Variants in TMEM220 observed in about 807,000 individuals in gnomAD.
TMEM220 encodes transmembrane protein 220.
Under a neutral mutation model 21.7 loss-of-function variants are expected in TMEM220, and 21 were observed. That is an observed-to-expected ratio of 0.97 (90% CI 0.69 to 1.39). TMEM220 has a LOEUF of 1.39. TMEM220 is among the 40% of genes most tolerant of loss of function. The pLI, the probability that TMEM220 is intolerant of heterozygous loss-of-function variation, is 0.00. For missense variants in TMEM220, 191 were observed against 201.9 expected, an observed-to-expected ratio of 0.95 and a Z score of 0.33; for synonymous variants, 80 against 73.6, an observed-to-expected ratio of 1.09 and a Z score of -0.45.
chr17:10,711,188 C>T, downstream of TMEM220: 1 of 1,453,914 alleles, frequency 6.9e-7, no homozygotes, highest in South Asian at 1.3e-5. Context: ...TTGTGTTTGT[C>T]CCTCCTAAAC....
chr17:10,729,154 G>T, intron 1 of TMEM220, 94 bp from the exon 2 acceptor site: 1 of 1,443,292 alleles, frequency 6.9e-7, no homozygotes, highest in East Asian at 2.3e-5. Flanking sequence ...AATTTGTTAA[G>T]TGCCAGACAC....
At position 10,723,134 on chromosome 17, in the gene TMEM220, C is replaced by T. The variant is rs1198569607; in HGVS notation, c.347+136G>A. 5.7e-5 allele frequency: 42 copies of T among 738,444 alleles called. No individual in the cohort carries two copies. In the East Asian group the frequency reaches 1.2e-3, roughly 21 times the overall value. 45.7% of individuals were successfully genotyped at this position (738,444 alleles called of 1,614,324 possible). A position where few individuals can be genotyped will look rare whatever the true frequency, so the allele number is the denominator to read the frequency against. The stretch of plus-strand genomic sequence containing the variant: ...TAGCTGGGACTACAGGCGCGTGCCA[C>T]CACACAGGGCTAATTTTCTGTATTT... On this transcript the variant is annotated intron_variant, in intron 5 of 5. Coordinates refer to ENST00000341871, the MANE Select transcript of TMEM220 (RefSeq NM_001004313.3).
At chr17:10,723,780 A>G (rs868029858) in intron 4 of TMEM220, among the ~76,000 whole-genome samples, 19 of 151,490 alleles carry the variant, frequency 1.3e-4, no homozygotes, top group African/African-American at 4.6e-4. Flanking sequence ...ATATACTACA[A>G]GAGATTGGGT....
intron 1 of TMEM220, 132 bp from the exon 2 acceptor site, chr17:10,729,192 T>A: frequency 4.1e-6 from 4 of 973,154 alleles, no homozygotes; most frequent in Non-Finnish European, 4.8e-6. Flanking sequence ...GTACAAAATC[T>A]GAACAGGATA....
At chr17:10,716,233 T>C (rs1567584232) in intron 5 of TMEM220, 1 of 841,888 alleles carries the variant, frequency 1.2e-6, no homozygotes, top group Admixed American at 1.8e-5. Flanking sequence ...AATGTGTTCA[T>C]CTCCAATAAT....
chr17:10,720,983 GTAGT>G (rs1345678280), intron 5 of TMEM220, among the ~76,000 whole-genome samples: 2 of 152,158 alleles, frequency 1.3e-5, no homozygotes, highest in Admixed American at 6.5e-5. Context: ...CTGAATTTGA[GTAGT>G]TAGTATAAAC....
chr17:10,724,622 T>A, intron 4 of TMEM220: 1 of 168,272 alleles, frequency 5.9e-6, no homozygotes, highest in Admixed American at 5.7e-5. Flanking sequence ...TGGCTGCTCA[T>A]ACTTGTAGAT....
chr17:10,719,367 C>G lies in TMEM220; in HGVS notation c.348-3779G>C, dbSNP rs2074961218. Among the ~76,000 whole-genome samples, 8 of 152,226 alleles carry G rather than the reference C, an allele frequency of 5.3e-5. No individual in the cohort carries two copies. In the South Asian group the frequency reaches 1.7e-3, roughly 32 times the overall value. On this transcript the variant is annotated intron_variant, in intron 5 of 5. Coordinates refer to ENST00000341871, the MANE Select transcript of TMEM220 (RefSeq NM_001004313.3). ...TCTCGGCTCACTGCAACCTCCACCT[C>G]CCGGTTTCTCCTGCCTCAGCCTCCC...
downstream of TMEM220, among the ~76,000 whole-genome samples, chr17:10,712,446 A>G (rs1213837805): frequency 6.6e-6 from 1 of 152,208 alleles, no homozygotes. Context: ...TAGGACATGT[A>G]TCTCTCTGAG....
intron 1 of TMEM220, 120 bp from the exon 2 acceptor site, chr17:10,729,180 G>T: frequency 8.6e-7 from 1 of 1,164,534 alleles, no homozygotes; most frequent in South Asian, 1.3e-5. Flanking sequence ...TAGGCATCGA[G>T]GGTACAAAAT....
At position 10,723,305 on chromosome 17, in the gene TMEM220, A is replaced by G. The variant is rs775953372; in HGVS notation, c.312T>C (p.Ile104=). 6 of 1,613,998 alleles carry G rather than the reference A, an allele frequency of 3.7e-6. No individual in the cohort carries two copies. The African/African-American group carries it at 8.0e-5, about 22-fold the overall frequency. The change falls in exon 5 of 6, where the codon ATT becomes ATC. Residue 104 remains isoleucine (I), a synonymous_variant. Transcript: ENST00000341871. Reference sequence around the variant, plus strand: ...TGTGGCACAGGATAATCCATGCTGTAATAATCACCAGACCAGACAGCTCCC... The same window carrying G: ...TGTGGCACAGGATAATCCATGCTGTGATAATCACCAGACCAGACAGCTCCC... ...EGRELSGLVI[I]TAWIILCHSS...
intron 3 of TMEM220, 65 bp from the exon 4 acceptor site, chr17:10,725,199 T>G: frequency 6.3e-7 from 1 of 1,590,694 alleles, no homozygotes; most frequent in Non-Finnish European, 8.6e-7. Flanking sequence ...AAAAATGATC[T>G]TTTTGTATGT....
intron 2 of TMEM220, among the ~76,000 whole-genome samples, chr17:10,727,993 T>A (rs1375392897): frequency 6.6e-6 from 1 of 152,188 alleles, no homozygotes; most frequent in South Asian, 2.1e-4. Context: ...AAACCCTGTC[T>A]CTACTAAAAA....
At chr17:10,712,831 T>C (rs962124712), downstream of TMEM220, among the ~76,000 whole-genome samples, 1 of 152,216 alleles carries the variant, frequency 6.6e-6, no homozygotes, top group African/African-American at 2.4e-5. Context: ...GGCCATATTA[T>C]GGAGAGCCTT....
chr17:10,729,781 T>A lies in TMEM220; in HGVS notation c.71A>T (p.Gln24Leu). 1 of 1,410,860 alleles carries A rather than the reference T, an allele frequency of 7.1e-7. No homozygotes were observed. The highest frequency in any genetic ancestry group is 1.5e-5 in the South Asian group (1 of 68,668). 87.4% of individuals were successfully genotyped at this position (1,410,860 alleles called of 1,614,324 possible). ...CCCCTCCCACCGCGGCCGCCTGACC[T>A]GCACCAAGGCCGCCAGCGCGAAGAA... ...AAFFALAALV[Q>L]VNDPDAEVWV... Residue 24 changes from glutamine (Q) to leucine (L), a missense_variant and splice_region_variant, in exon 1 of 6, where the codon CAG becomes CTG. Physicochemically the swap from Gln to Leu is moderately radical, Grantham distance 113. Transcript: ENST00000341871.
Position 10,729,913 on chromosome 17 carries a change from A to G in TMEM220, c.-62T>C, listed in dbSNP as rs1480043703. The G allele has an allele frequency of 3.2e-6, 4 of 1,264,258 alleles. No homozygotes were observed. The highest frequency in any genetic ancestry group is 4.0e-6 in the Non-Finnish European group (4 of 1,002,718). 78.3% of individuals were successfully genotyped at this position (1,264,258 alleles called of 1,614,324 possible). On this transcript the variant is annotated 5_prime_UTR_variant, in exon 1 of 6. Coordinates refer to ENST00000341871, the MANE Select transcript of TMEM220 (RefSeq NM_001004313.3). ...CACGTGCGGGGCGGTGAGTCCTGCCACGTACGGTCCGCCTTCCTCCTTGCG... is the reference window on the plus strand; with the variant it reads ...CACGTGCGGGGCGGTGAGTCCTGCCGCGTACGGTCCGCCTTCCTCCTTGCG...
At chr17:10,712,095 C>T (rs747127590), downstream of TMEM220, among the ~76,000 whole-genome samples, 11 of 152,188 alleles carry the variant, frequency 7.2e-5, no homozygotes, top group Non-Finnish European at 1.6e-4. Flanking sequence ...GAAATCATTT[C>T]CACTTGGCTG....
chr17:10,729,104 G>A (rs770793024), intron 1 of TMEM220, 44 bp from the exon 2 acceptor site: 5 of 1,609,970 alleles, frequency 3.1e-6, no homozygotes, highest in East Asian at 4.5e-5. Flanking sequence ...ATCCTGTGCT[G>A]TTCCATTCCT....
At position 10,725,154 on chromosome 17, in the gene TMEM220, T is replaced by C; in HGVS notation, c.164-20A>G. On this transcript the variant is annotated intron_variant, in intron 3 of 5. Coordinates refer to ENST00000341871, the MANE Select transcript of TMEM220 (RefSeq NM_001004313.3). ...CATTACCTAAAAATAGATGTTCTGA[T>C]GTTGTTAACCACGGAATCACAGCCC... 3 of 1,612,390 alleles carry C rather than the reference T, an allele frequency of 1.9e-6. 1 individual carries two copies. In the South Asian group the frequency reaches 3.3e-5, roughly 18 times the overall value.
Sources: gnomAD v4.1 joint callset for allele counts (sites outside exome capture counted in the v4.1 genomes callset) on GRCh38, gnomAD v4.1.1 for gene constraint, MANE v1.5 for transcripts, NCBI Gene and HGNC (gene_info 2026-07-23, HGNC 2026-07-21) for gene names.